The following RYR3 variants were observed in gnomAD, a reference collection of about 807,000 sequenced individuals.
RYR3 encodes ryanodine receptor 3, also known as brain ryanodine receptor-calcium release channel.
RYR3 carries 207 observed loss-of-function variants against 584.3 expected under a neutral mutation model. That is an observed-to-expected ratio of 0.35 (90% confidence interval 0.32 to 0.40). The LOEUF (loss-of-function observed/expected upper bound fraction) is 0.40. Ranked by LOEUF, RYR3 falls within the 10% of genes least tolerant of loss-of-function variation. RYR3 has a pLI of 1.00. For synonymous variants in RYR3, 2,416 were observed against 2,248.5 expected, an observed-to-expected ratio of 1.07 and a Z score of -2.11; for missense variants, 5,616 against 6,089.2, an observed-to-expected ratio of 0.92 and a Z score of 2.59.
At chr15:33,440,513 C>G (rs1390685798) in intron 1 of RYR3, among the ~76,000 whole-genome samples, 1 of 152,162 alleles carries the variant, frequency 6.6e-6, no homozygotes, top group African/African-American at 2.4e-5. Context: ...AGCTGGAGTG[C>G]TATTGGCATC....
At chr15:33,380,026 G>C (rs2041068576) in intron 1 of RYR3, among the ~76,000 whole-genome samples, 2 of 152,136 alleles carry the variant, frequency 1.3e-5, no homozygotes, top group South Asian at 4.1e-4. Context: ...TATCCTACCT[G>C]CTTTGTTCTA....
At chr15:33,710,395 G>C (rs1220904159) in intron 43 of RYR3, among the ~76,000 whole-genome samples, 2 of 147,122 alleles carry the variant, frequency 1.4e-5, no homozygotes, top group Non-Finnish European at 3.0e-5. Context: ...CCAGGCTGGA[G>C]TGCAGTGGTG....
intron 77 of RYR3, 91 bp downstream of exon 77, chr15:33,819,898 G>C: frequency 1.0e-6 from 1 of 957,510 alleles, no homozygotes; most frequent in Non-Finnish European, 1.6e-6. Context: ...TGAATAGCAG[G>C]CCTGGGACTT....
chr15:33,836,254 C>T (rs1410792315), intron 87 of RYR3, among the ~76,000 whole-genome samples: 1 of 151,142 alleles, frequency 6.6e-6, no homozygotes, highest in Non-Finnish European at 1.5e-5. Context: ...AATCAAATCC[C>T]CAGATTGCCC....
rs78546232 is a variant in RYR3 at position 33,313,257 on chromosome 15, T to A, written c.51+2161T>A. ...TGAAACTGAAGCACAGGAAATCGAG[T>A]GACTTGAACATAGCTGTTGACAAGT... is the stretch of plus-strand genomic sequence containing the variant. On this transcript the variant is annotated intron_variant, in intron 1 of 103. Transcript: ENST00000634891. Among the ~76,000 whole-genome samples, 1,145 of 152,284 alleles carry A rather than the reference T, an allele frequency of 7.5e-3. 12 individuals are homozygous for A. Among genetic ancestry groups the A allele is most frequent in the African/African-American group, 0.027 (1,109 of 41,544 alleles).
At chr15:33,313,692 C>T (rs544834996) in intron 1 of RYR3, among the ~76,000 whole-genome samples, 1 of 152,290 alleles carries the variant, frequency 6.6e-6, no homozygotes, top group African/African-American at 2.4e-5. Flanking sequence ...ATATATAATG[C>T]TTCCTCACAT....
chr15:33,368,338 C>T (rs1274827353), intron 1 of RYR3, among the ~76,000 whole-genome samples: 29 of 85,790 alleles, frequency 3.4e-4, no homozygotes, highest in Admixed American at 9.5e-4. Flanking sequence ...GCCTTCCTGT[C>T]TTTTTTTTTT....
At chr15:33,760,826 T>C (rs944665956) in intron 60 of RYR3, among the ~76,000 whole-genome samples, 1 of 152,100 alleles carries the variant, frequency 6.6e-6, no homozygotes, top group African/African-American at 2.4e-5. Context: ...GCACCTATTC[T>C]AAAATTGACC....
chr15:33,383,326 A>G (rs1299850900), intron 1 of RYR3, among the ~76,000 whole-genome samples: 4 of 148,506 alleles, frequency 2.7e-5, no homozygotes, highest in Non-Finnish European at 5.9e-5. Flanking sequence ...GAGAGGAAAA[A>G]ATAGAAAAAG....
At chr15:33,519,514 C>T (rs1051733706) in intron 3 of RYR3, among the ~76,000 whole-genome samples, 3 of 152,090 alleles carry the variant, frequency 2.0e-5, no homozygotes, top group Non-Finnish European at 2.9e-5. Flanking sequence ...TGGCTAAGTC[C>T]TGGAGGGGTG....
intron 65 of RYR3, among the ~76,000 whole-genome samples, chr15:33,785,367 G>T (rs1596573047): frequency 6.6e-6 from 1 of 152,154 alleles, no homozygotes; most frequent in Non-Finnish European, 1.5e-5. Flanking sequence ...TGGCTTCATC[G>T]CAGGATAGTC....
At chr15:33,839,382 C>G (rs753827815) in intron 89 of RYR3, among the ~76,000 whole-genome samples, 9 of 152,178 alleles carry the variant, frequency 5.9e-5, no homozygotes, top group Non-Finnish European at 8.8e-5. Flanking sequence ...GATTTGGCCT[C>G]TCTATGAGTT....
rs886286258 is a variant in RYR3, at chr15:33,355,652, T to C, written c.51+44556T>C. 3.3e-5 allele frequency among the ~76,000 whole-genome samples: 5 copies of C among 152,262 alleles called. No individual in the cohort carries two copies. The East Asian group carries it at 7.7e-4, about 23-fold the overall frequency. On this transcript the variant is annotated intron_variant, in intron 1 of 103. Coordinates refer to ENST00000634891, the MANE Select transcript of RYR3 (RefSeq NM_001036.6). ...GAGCCTTTAATCTAGTCATCAAGAG[T>C]GTCTAAAACCTTCCAGGCTGGTGTT...
intron 57 of RYR3, 99 bp downstream of exon 57, chr15:33,750,385 GA>G (rs1331329722): frequency 4.1e-6 from 5 of 1,213,872 alleles, no homozygotes; most frequent in African/African-American, 1.5e-5. Context: ...GAGAACAATT[GA>G]GTCTTTTAAA....
chr15:33,676,990 C>T (rs981626940), intron 38 of RYR3, among the ~76,000 whole-genome samples: 3 of 152,196 alleles, frequency 2.0e-5, no homozygotes, highest in African/African-American at 4.8e-5. Flanking sequence ...CCCGGTACTG[C>T]GCTTGGCACT....
intron 3 of RYR3, among the ~76,000 whole-genome samples, chr15:33,518,428 G>A (rs1223350280): frequency 6.7e-6 from 1 of 149,862 alleles, no homozygotes; most frequent in Non-Finnish European, 1.5e-5. Flanking sequence ...TTTTCAAATT[G>A]TGAACCATAC....
intron 86 of RYR3, among the ~76,000 whole-genome samples, chr15:33,831,844 C>A (rs1051040183): frequency 6.6e-6 from 1 of 152,104 alleles, no homozygotes; most frequent in African/African-American, 2.4e-5. Flanking sequence ...TCAGGAGACT[C>A]ATGAATAGGG....
intron 11 of RYR3, 79 bp downstream of exon 11, chr15:33,563,089 C>A: frequency 8.8e-7 from 1 of 1,130,750 alleles, no homozygotes; most frequent in Non-Finnish European, 1.3e-6. Flanking sequence ...TTCTGAGAAC[C>A]AGGTGGACAT....
chr15:33,855,977 G>A (rs1368216064), intron 98 of RYR3: 1 of 152,150 alleles, frequency 6.6e-6, no homozygotes, highest in Non-Finnish European at 1.5e-5. Context: ...TACGGGAGAG[G>A]GAGAAAAGAC....
Sources: allele counts gnomAD v4.1 joint callset (sites outside exome capture counted in the v4.1 genomes callset), GRCh38; gene constraint gnomAD v4.1.1; transcripts MANE v1.5; gene names NCBI Gene and HGNC (gene_info 2026-07-23, HGNC 2026-07-21).